UCKL1: variants seen among roughly 807,000 people sequenced by gnomAD.
The protein encoded by UCKL1 is uridine-cytidine kinase-like 1.
Under a neutral mutation model 59.2 loss-of-function variants are expected in UCKL1, and 65 were observed. The ratio of observed to expected loss-of-function variants is 1.10; its 90% CI spans 0.90 to 1.35. The LOEUF (loss-of-function observed/expected upper bound fraction) is 1.35. Ranked by LOEUF, UCKL1 falls within the 40% of genes most tolerant of loss-of-function variation. The probability of loss-of-function intolerance (pLI) is 0.00; values close to 1 mark genes in which losing one functional copy is unlikely to be tolerated. For synonymous variants in UCKL1, 410 were observed against 323.1 expected (o/e 1.27, Z -2.88); for missense variants, 703 against 784.3 (o/e 0.90, Z 1.24).
chr20:63,947,275 T>C (rs1386215219), intron 1 of UCKL1, among the ~76,000 whole-genome samples: 2 of 152,196 alleles, frequency 1.3e-5, no homozygotes, highest in Non-Finnish European at 2.9e-5. Flanking sequence ...AGGCACTGGC[T>C]GGGCCAGGCT....
chr20:63,946,457 G>A lies in UCKL1; in HGVS notation c.300C>T (p.Ala100=), dbSNP rs919893819. ...EHGTQSKEAF[A]IGLGGGSASG... is the part of the protein sequence containing the mutation. ...CCACCCCCCCGCTGCTCTCACCGAT[G>A]GCGAAGGCCTCTTTGGATTGCGTGC... The change falls in exon 2 of 15, where the codon GCC becomes GCT. Residue 100 remains alanine (A), a synonymous_variant. Transcript: ENST00000354216. The A allele has an allele frequency of 1.3e-6, 2 of 1,558,310 alleles. No individual in the cohort carries two copies. Among genetic ancestry groups the A allele is most frequent in the Admixed American group, 1.8e-5 (1 of 54,304 alleles).
At chr20:63,942,484 CT>C (rs1352666032) in intron 8 of UCKL1, 3 of 1,175,528 alleles carry the variant, frequency 2.6e-6, no homozygotes, top group African/African-American at 3.2e-5. Flanking sequence ...CCCAACGTAG[CT>C]TCCTCTGCTT....
rs546274348 is a variant in UCKL1 at position 63,949,101 on chromosome 20, C to G, written c.114-2458G>C. 2.6e-5 allele frequency among the ~76,000 whole-genome samples: 4 copies of G among 152,314 alleles called. No homozygotes were observed. The East Asian group carries it at 7.7e-4, about 29-fold the overall frequency. On this transcript the variant is annotated intron_variant, in intron 1 of 14. Coordinates refer to ENST00000354216, the MANE Select transcript of UCKL1 (RefSeq NM_017859.4). ...GACGGGGAAAACGCGCTGTGCCTCTCCTCAGAGACAGACAGGTCTGCCTGT... is the reference window on the plus strand; with the variant it reads ...GACGGGGAAAACGCGCTGTGCCTCTGCTCAGAGACAGACAGGTCTGCCTGT...
rs35595584 is a variant in UCKL1, at chr20:63,946,588, G to A, written c.169C>T (p.Pro57Ser). The change falls in exon 2 of 15, where the codon CCC becomes TCC. Residue 57 changes from proline to serine, a missense_variant. Physicochemically the swap from Pro to Ser is moderately conservative, Grantham distance 74. Transcript: ENST00000354216. ...LLPPVGTGRS[P>S]RKRTTSQCKS... Reference sequence around the variant, plus strand: ...CACTGGCTGGTGGTCCGCTTCCGGGGAGAGCGCCCAGTGCCCACAGGTGGC... The same window carrying A: ...CACTGGCTGGTGGTCCGCTTCCGGGAAGAGCGCCCAGTGCCCACAGGTGGC... 140 of 1,611,272 alleles carry A rather than the reference G, an allele frequency of 8.7e-5. No homozygotes were observed. The highest frequency in any genetic ancestry group is 7.7e-5 in the South Asian group (7 of 91,064).
chr20:63,956,118 C>G (rs1231213057), intron 1 of UCKL1, 142 bp downstream of exon 1: 1 of 798,974 alleles, frequency 1.3e-6, no homozygotes, highest in Non-Finnish European at 1.8e-6. Flanking sequence ...CCACCCGGCA[C>G]GTGGGAGAAC....
At position 63,941,224 on chromosome 20, in the gene UCKL1, T is replaced by TG. The variant is rs755672015; in HGVS notation, c.924-17dup. ...CAGCGCAGCCCTGGGGACAAACCGA[T>TG]GGGGAACACTCAAGAAGGGGGTCTT... is the stretch of plus-strand genomic sequence containing the variant. On this transcript the variant is annotated splice_polypyrimidine_tract_variant and intron_variant, in intron 8 of 14. Transcript: ENST00000354216. 1.9e-5 allele frequency: 29 copies of TG among 1,493,884 alleles called. No homozygotes were observed. The highest frequency in any genetic ancestry group is 2.5e-5 in the Non-Finnish European group (28 of 1,124,078). The allele number at this position is 1,493,884 out of a possible 1,614,324, so 92.5% of individuals were successfully genotyped here. A position where few individuals can be genotyped will look rare whatever the true frequency, so the allele number is the denominator to read the frequency against.
In UCKL1 at chr20:63,940,368, GCTCA is replaced by G; in HGVS notation, c.1410+6_1410+9del. ...CCTGAACCTGCCCCGCCTACCCAGG[GCTCA>G]CTCACCAGGAGCACGCGCACTGCCA... On this transcript the variant is annotated splice_donor_region_variant and intron_variant, in intron 13 of 14. Transcript: ENST00000354216. The G allele has an allele frequency of 6.2e-7, 1 of 1,611,760 alleles. No individual in the cohort carries two copies. Among genetic ancestry groups the G allele is most frequent in the South Asian group, 1.1e-5 (1 of 91,074 alleles).
chr20:63,948,929 ACACC>A (rs2057111003), intron 1 of UCKL1, among the ~76,000 whole-genome samples: 1 of 151,836 alleles, frequency 6.6e-6, no homozygotes, highest in Non-Finnish European at 1.5e-5. Context: ...TGCACCCGTG[ACACC>A]CACAGCCAGG....
At position 63,945,685 on chromosome 20, in the gene UCKL1, C is replaced by G. The variant is rs755287074; in HGVS notation, c.620G>C (p.Gly207Ala). 1 of 1,613,094 alleles carries G rather than the reference C, an allele frequency of 6.2e-7. No homozygotes were observed. ...LYGANVIIFE[G>A]IMAFADKTLL... ...TGTCTTGTCAGCAAAGGCCATGATG[C>G]CCTCAAAGATGATGACGTTTGCACC... is the stretch of plus-strand genomic sequence containing the variant. The change falls in exon 5 of 15, where the codon GGC (glycine) becomes GCC (alanine). Residue 207 changes from glycine (G) to alanine (A), a missense_variant. Gly to Ala is a moderately conservative substitution (Grantham distance 60, BLOSUM62 0). Transcript: ENST00000354216.
At position 63,944,587 on chromosome 20, in the gene UCKL1, T is replaced by C; in HGVS notation, c.802A>G (p.Ile268Val). The C allele has an allele frequency of 1.9e-6, 3 of 1,612,962 alleles. No homozygotes were observed. The highest frequency in any genetic ancestry group is 2.5e-6 in the Non-Finnish European group (3 of 1,179,814). ...KFVKPSFDQYIQPTMRLADIV... is the reference protein window; with the variant it reads ...KFVKPSFDQYVQPTMRLADIV... The stretch of plus-strand genomic sequence containing the variant: ...TCTGCCAGGCGCATGGTGGGCTGGA[T>C]GTACTGGTCGAAGGAGGGCTTGACA... Residue 268 changes from isoleucine (I) to valine (V), a missense_variant, in exon 6 of 15, where the codon ATC becomes GTC. By Grantham distance (29) the Ile-to-Val change is conservative (BLOSUM62 3). Transcript: ENST00000354216.
At position 63,942,836 on chromosome 20, in the gene UCKL1, C is replaced by T. The variant is rs77043678; in HGVS notation, c.923+817G>A. On this transcript the variant is annotated intron_variant, in intron 8 of 14. Transcript: ENST00000354216. Reference sequence around the variant, plus strand: ...AACAAAAGCTTCAGGAGGAACCTGACGGGACAAGACCTGCGGGTTCCTAGG... The same window carrying T: ...AACAAAAGCTTCAGGAGGAACCTGATGGGACAAGACCTGCGGGTTCCTAGG... 2.7e-3 allele frequency: 1,119 copies of T among 416,440 alleles called. 3 individuals carry two copies. Among genetic ancestry groups the T allele is most frequent in the Non-Finnish European group, 3.9e-3 (761 of 195,786 alleles). The allele number at this position is 416,440 out of a possible 1,614,324, so 25.8% of individuals were successfully genotyped here.
chr20:63,956,066 G>A, intron 1 of UCKL1, 194 bp downstream of exon 1: 1 of 476,122 alleles, frequency 2.1e-6, no homozygotes, highest in South Asian at 3.4e-5. Flanking sequence ...CTGCCGGCTT[G>A]GGCCAGGTCC....
At chr20:63,950,805 G>A (rs1211899253) in intron 1 of UCKL1, 1 of 1,540,650 alleles carries the variant, frequency 6.5e-7, no homozygotes, top group Admixed American at 2.0e-5. Context: ...CTGATGCCAG[G>A]GTAAGCTGGG....
At chr20:63,943,791 T>TG (rs2055357944) in intron 7 of UCKL1, 122 bp from the exon 8 acceptor site, 2 of 1,420,304 alleles carry the variant, frequency 1.4e-6, no homozygotes, top group South Asian at 1.2e-5. Context: ...CAGCCAGCCA[T>TG]GGGGGGTGGC....
rs1046665759 is a variant in UCKL1, at chr20:63,940,020, C to T, written c.1603G>A (p.Val535Ile). 6.2e-6 allele frequency: 10 copies of T among 1,611,320 alleles called. No individual in the cohort carries two copies. In the African/African-American group the frequency reaches 8.1e-5, roughly 13 times the overall value. The change falls in exon 15 of 15, where the codon GTC (valine) becomes ATC (isoleucine). Residue 535 changes from valine to isoleucine, a missense_variant. Around this residue, in one of 4 missense-constraint regions of UCKL1, gnomAD observed 124 missense variants for 161.1 expected, o/e 0.77. Transcript: ENST00000354216. ...TCCTCCTCGTCACTGCCATCGGGGACCGCGTCTGTCCCAAAGTAGCGGTCG... is the reference window on the plus strand; with the variant it reads ...TCCTCCTCGTCACTGCCATCGGGGATCGCGTCTGTCCCAAAGTAGCGGTCG... ...FGDRYFGTDA[V>I]PDGSDEEEVA... is the part of the protein sequence containing the mutation.
At chr20:63,942,591 A>C (rs1037600981) in intron 8 of UCKL1, 33 of 781,252 alleles carry the variant, frequency 4.2e-5, no homozygotes, top group Non-Finnish European at 5.7e-5. Context: ...TTAGTTGGGG[A>C]GCAGGGCGTT....
In UCKL1 at chr20:63,943,667, A is replaced by G; in HGVS notation, c.909T>C (p.Arg303=). 1 of 1,612,716 alleles carries G rather than the reference A, an allele frequency of 6.2e-7. No homozygotes were observed. Among genetic ancestry groups the G allele is most frequent in the Admixed American group, 1.7e-5 (1 of 60,012 alleles). ...VQHVHSQLEE[R]ELSVRAALAS... ...GCAAGTCTTACCTGACGCTGAGTTC[A>G]CGCTGTGGCAGCAACACAGGAAGAC... The change falls in exon 8 of 15, where the codon CGT becomes CGC. Residue 303 remains arginine, a splice_region_variant and synonymous_variant. Coordinates refer to ENST00000354216, the MANE Select transcript of UCKL1 (RefSeq NM_017859.4).
chr20:63,945,807 A>G lies in UCKL1; in HGVS notation c.580T>C (p.Trp194Arg), dbSNP rs2056021522. The G allele has an allele frequency of 1.9e-6, 3 of 1,613,532 alleles. No homozygotes were observed. The highest frequency in any genetic ancestry group is 2.5e-6 in the Non-Finnish European group (3 of 1,179,970). Residue 194 changes from tryptophan to arginine, a missense_variant and splice_region_variant, in exon 4 of 15, where the codon TGG (tryptophan) becomes CGG (arginine). Transcript: ENST00000354216. ...DFTTHSRKKD[W>R]KTLYGANVII... ...CCCTCTGCAGGGCCCTGGCCTACCC[A>G]GTCCTTCTTCCGGCTGTGCGTGGTG...
intron 1 of UCKL1, chr20:63,950,819 C>T: frequency 6.5e-7 from 1 of 1,535,486 alleles, no homozygotes. Flanking sequence ...AGCTGGGGGG[C>T]TGCTCATGGT....
Sources: gnomAD v4.1 joint callset for allele counts (sites outside exome capture counted in the v4.1 genomes callset) on GRCh38, gnomAD v4.1.1 for gene constraint, gnomAD v4.1.1 regional missense constraint, MANE v1.5 for transcripts, NCBI Gene and HGNC (gene_info 2026-07-23, HGNC 2026-07-21) for gene names.